The following TENM1 variants were observed in gnomAD, a reference collection of about 807,000 sequenced individuals.
TENM1 encodes teneurin transmembrane protein 1, also known as teneurin-1.
Under a neutral mutation model 174.8 loss-of-function variants are expected in TENM1, and 35 were observed. That is an observed-to-expected ratio of 0.20 (90% CI 0.15 to 0.27). The LOEUF is 0.27. Among genes scored for constraint, TENM1 ranks in the 10% least tolerant of loss-of-function variants. The pLI is 1.00. For synonymous variants in TENM1, 781 were observed against 798.7 expected (o/e 0.98, Z 0.37); for missense variants, 1,633 against 2,130.1 (o/e 0.77, Z 4.59).
intron 23 of TENM1, among the ~76,000 whole-genome samples, chrX:124,451,636 A>G (rs2061037665): frequency 8.9e-6 from 1 of 112,307 alleles, no homozygotes; most frequent in Non-Finnish European, 1.9e-5. Flanking sequence ...ACAAGGCTTC[A>G]GTAACCAAAA....
intron 3 of TENM1, among the ~76,000 whole-genome samples, chrX:124,830,168 C>A (rs1233244551): frequency 8.9e-6 from 1 of 111,755 alleles, no homozygotes; most frequent in African/African-American, 3.3e-5. Context: ...ATGTGTGGGG[C>A]TAGAAATGAA....
At chrX:124,632,365 G>A (rs992447010) in intron 11 of TENM1, among the ~76,000 whole-genome samples, 7 of 111,158 alleles carry the variant, frequency 6.3e-5, no homozygotes, top group African/African-American at 1.6e-4. Flanking sequence ...TACTCATACC[G>A]TGTGGGTGTT....
Position 124,594,280 on chromosome X carries a change from G to A in TENM1, c.2078-28720C>T, listed in dbSNP as rs975909209. Among the ~76,000 whole-genome samples the A allele has an allele frequency of 4.5e-5, 5 of 111,474 alleles. No homozygotes were observed. The East Asian group carries it at 1.1e-3, about 25-fold the overall frequency. ...TGTTTGCCAGCATTCACCTCCCTGG[G>A]ATCTGGAGTGTCCTTCACAATTCCC... On this transcript the variant is annotated intron_variant, in intron 11 of 31. Transcript: ENST00000422452.
intron 11 of TENM1, among the ~76,000 whole-genome samples, chrX:124,588,013 T>C (rs2049594654): frequency 8.9e-6 from 1 of 111,982 alleles, no homozygotes; most frequent in Non-Finnish European, 1.9e-5. Flanking sequence ...CCAGTTAGAA[T>C]GGCAATCACT....
chrX:125,195,697 A>T, the TENM1 span, among the ~76,000 whole-genome samples: 2 of 111,730 alleles, frequency 1.8e-5, no homozygotes, highest in Admixed American at 1.9e-4. Flanking sequence ...ACATGAACAG[A>T]GTACATCTAT....
At chrX:124,585,021 C>T (rs2049456162) in intron 11 of TENM1, among the ~76,000 whole-genome samples, 1 of 109,880 alleles carries the variant, frequency 9.1e-6, no homozygotes, top group Non-Finnish European at 1.9e-5. Context: ...TACAGGAGCA[C>T]CCAGATTCAT....
At chrX:125,112,640 A>G in the TENM1 span, among the ~76,000 whole-genome samples, 1 of 111,686 alleles carries the variant, frequency 9.0e-6, no homozygotes, top group African/African-American at 3.2e-5. Flanking sequence ...TGTTGGTGTC[A>G]ATCACAAATT....
intron 11 of TENM1, among the ~76,000 whole-genome samples, chrX:124,577,640 C>T (rs1468039099): frequency 2.7e-5 from 3 of 111,705 alleles, no homozygotes; most frequent in Admixed American, 1.9e-4. Context: ...ACCCATTCTT[C>T]TAAGGATTAA....
At chrX:124,417,008 A>T (rs541913337) in intron 25 of TENM1, among the ~76,000 whole-genome samples, 6 of 111,583 alleles carry the variant, frequency 5.4e-5, no homozygotes, top group Non-Finnish European at 1.1e-4. Context: ...CTTGACCTTG[A>T]ACTTCCCAAC....
intron 23 of TENM1, among the ~76,000 whole-genome samples, chrX:124,429,422 T>A (rs1440964266): frequency 2.7e-5 from 3 of 110,932 alleles, no homozygotes; most frequent in African/African-American, 9.8e-5. Context: ...TAATTTAACA[T>A]AATGTGGTTA....
the TENM1 span, among the ~76,000 whole-genome samples, chrX:124,992,633 T>A: frequency 9.0e-6 from 1 of 111,317 alleles, no homozygotes; most frequent in Non-Finnish European, 1.9e-5. Flanking sequence ...CCGTAGGTTA[T>A]AAGACCCTCA....
intron 11 of TENM1, among the ~76,000 whole-genome samples, chrX:124,576,361 C>T (rs1375616940): frequency 1.8e-5 from 2 of 111,870 alleles, no homozygotes; most frequent in African/African-American, 3.2e-5. Flanking sequence ...TGCCCAGCCC[C>T]GCAAATATTA....
chrX:124,986,156 T>C, the TENM1 span, among the ~76,000 whole-genome samples: 1 of 111,806 alleles, frequency 8.9e-6, no homozygotes, highest in East Asian at 2.8e-4. Flanking sequence ...CCCTCATCCT[T>C]GATCCCAAGA....
chrX:125,178,569 G>A, the TENM1 span, among the ~76,000 whole-genome samples: 5 of 110,898 alleles, frequency 4.5e-5, no homozygotes, highest in Admixed American at 3.8e-4. Context: ...GAAGAAAAAG[G>A]TCAATCTGTA....
intron 5 of TENM1, among the ~76,000 whole-genome samples, chrX:124,697,324 T>C (rs1452850085): frequency 9.0e-6 from 1 of 111,313 alleles, no homozygotes; most frequent in African/African-American, 3.3e-5. Flanking sequence ...TACTGTCCCA[T>C]AGAGAGGAGT....
At chrX:124,791,785 T>G (rs1263916169) in intron 3 of TENM1, among the ~76,000 whole-genome samples, 1 of 111,697 alleles carries the variant, frequency 9.0e-6, no homozygotes, top group East Asian at 2.8e-4. Flanking sequence ...GGGATAGGCA[T>G]ACTTCAGTAG....
At chrX:124,419,800 T>C (rs780135976) in intron 25 of TENM1, among the ~76,000 whole-genome samples, 2 of 111,847 alleles carry the variant, frequency 1.8e-5, no homozygotes, top group South Asian at 7.6e-4. Flanking sequence ...AATTCTTCTC[T>C]TGCTTTCCAG....
intron 17 of TENM1, among the ~76,000 whole-genome samples, chrX:124,522,311 A>G (rs1373429645): frequency 9.0e-6 from 1 of 111,289 alleles, no homozygotes; most frequent in Non-Finnish European, 1.9e-5. Flanking sequence ...TCTATCTTGG[A>G]GCATGCATTT....
At chrX:124,514,878 C>T (rs982918949) in intron 18 of TENM1, among the ~76,000 whole-genome samples, 1 of 110,657 alleles carries the variant, frequency 9.0e-6, no homozygotes, top group Non-Finnish European at 1.9e-5. Flanking sequence ...ATGCCAAAAC[C>T]TGGCAGAGAC....
Sources: allele counts gnomAD v4.1 joint callset (sites outside exome capture counted in the v4.1 genomes callset), GRCh38; gene constraint gnomAD v4.1.1; transcripts MANE v1.5; gene names NCBI Gene and HGNC (gene_info 2026-07-23, HGNC 2026-07-21).